ARHGAP29: variants seen among roughly 807,000 people sequenced by gnomAD.
ARHGAP29 encodes the protein Rho GTPase activating protein 29.
In ARHGAP29, 43 loss-of-function variants were observed where a neutral mutation model predicts 122.6. The observed-to-expected ratio is 0.35, with a 90% CI of 0.27 to 0.45. The LOEUF is 0.45. Among genes scored for constraint, ARHGAP29 ranks in the 20% least tolerant of loss-of-function variants. ARHGAP29 has a pLI of 1.00. For missense variants in ARHGAP29, 1,303 were observed against 1,477.2 expected (o/e 0.88, Z 1.93); for synonymous variants, 506 against 497.1 (o/e 1.02, Z -0.24).
chr1:94,231,719 A>C (rs1652930238), intron 1 of ARHGAP29, 76 bp from the exon 2 acceptor site: 2 of 1,087,878 alleles, frequency 1.8e-6, no homozygotes, highest in Non-Finnish European at 2.6e-6. Context: ...AGCCAGGGAA[A>C]TATTACACTA....
At chr1:94,203,344 G>A in intron 8 of ARHGAP29, 134 bp from the exon 9 acceptor site, 1 of 551,976 alleles carries the variant, frequency 1.8e-6, no homozygotes, top group Non-Finnish European at 3.1e-6. Flanking sequence ...TCAAAAACAT[G>A]ACTATGAGAA....
At chr1:94,225,883 C>T (rs1652584855) in intron 2 of ARHGAP29, among the ~76,000 whole-genome samples, 1 of 151,970 alleles carries the variant, frequency 6.6e-6, no homozygotes, top group African/African-American at 2.4e-5. Flanking sequence ...TTTCTCTACT[C>T]ACTCTGTAAT....
At chr1:94,301,086 C>T in the ARHGAP29 span, among the ~76,000 whole-genome samples, 2 of 152,186 alleles carry the variant, frequency 1.3e-5, no homozygotes, top group Non-Finnish European at 2.9e-5. Context: ...TAACTCTACC[C>T]AAAGTAGCAA....
At chr1:94,237,677 C>CG, upstream of ARHGAP29, 3 of 985,424 alleles carry the variant, frequency 3.0e-6, no homozygotes, top group Non-Finnish European at 3.6e-6. Flanking sequence ...CCCGCGCTCC[C>CG]GGGGGCGGGG....
In ARHGAP29 at chr1:94,177,503, A is replaced by G. The variant is rs143423096; in HGVS notation, c.2905+109T>C. ...CTAGCCAAGATTTGTTAACTAATAA[A>G]GCTTCATTCTCTGGCTTCCCTCATT... On this transcript the variant is annotated intron_variant, in intron 22 of 22. Transcript: ENST00000260526. 1.3e-5 allele frequency: 10 copies of G among 743,834 alleles called. No individual in the cohort carries two copies. The African/African-American group carries it at 1.4e-4, about 11-fold the overall frequency. The allele number at this position is 743,834 out of a possible 1,614,324, so 46.1% of individuals were successfully genotyped here. A position where few individuals can be genotyped will look rare whatever the true frequency, so the allele number is the denominator to read the frequency against.
the ARHGAP29 span, among the ~76,000 whole-genome samples, chr1:94,310,380 G>A: frequency 2.0e-5 from 3 of 152,240 alleles, no homozygotes; most frequent in Non-Finnish European, 4.4e-5. Context: ...ATGAAGCCAT[G>A]TAGTAGTGTC....
intron 1 of ARHGAP29, among the ~76,000 whole-genome samples, chr1:94,236,105 T>G (rs909929622): frequency 2.6e-5 from 4 of 152,200 alleles, no homozygotes; most frequent in Non-Finnish European, 5.9e-5. Flanking sequence ...TTAGATGAGC[T>G]CATCCTAAAA....
At chr1:94,302,878 C>T in the ARHGAP29 span, 5 of 217,686 alleles carry the variant, frequency 2.3e-5, no homozygotes, top group South Asian at 5.4e-5. Context: ...CCAACTTTAA[C>T]AGTGACACCC....
intron 1 of ARHGAP29, 27 bp from the exon 2 acceptor site, chr1:94,231,670 A>C (rs1382415010): frequency 2.0e-5 from 31 of 1,531,010 alleles, no homozygotes; most frequent in Non-Finnish European, 2.8e-5. Flanking sequence ...ACAAAACAAA[A>C]ACAAGCGAGG....
intron 11 of ARHGAP29, 179 bp from the exon 12 acceptor site, chr1:94,202,036 G>A: frequency 1.7e-6 from 1 of 576,936 alleles, no homozygotes; most frequent in Non-Finnish European, 2.9e-6. Context: ...TTAATGGACA[G>A]CCATGTACAA....
intron 12 of ARHGAP29, among the ~76,000 whole-genome samples, chr1:94,200,113 A>C (rs1650746344): frequency 6.6e-6 from 1 of 152,210 alleles, no homozygotes; most frequent in South Asian, 2.1e-4. Context: ...CATGACTCAT[A>C]AAAGAAAAAA....
At chr1:94,227,306 A>G (rs1324978709) in intron 2 of ARHGAP29, among the ~76,000 whole-genome samples, 1 of 151,720 alleles carries the variant, frequency 6.6e-6, no homozygotes, top group East Asian at 1.9e-4. Context: ...TACACTCTTA[A>G]ATTAGAAAGC....
chr1:94,281,187 A>G, the ARHGAP29 span, among the ~76,000 whole-genome samples: 3 of 152,224 alleles, frequency 2.0e-5, no homozygotes, highest in South Asian at 6.2e-4. Context: ...GCATCTTAGT[A>G]TCACACACTC....
chr1:94,253,655 C>T lies in ARHGAP29; in HGVS notation c.-33+21357G>A, dbSNP rs557795816. On this transcript the variant is annotated intron_variant and NMD_transcript_variant, in intron 1 of 25. Transcript: ENST00000552844. ...GAACACACACGCACGCACGCACGCA[C>T]GCACGCACGCACGCACATGCACACA... Among the ~76,000 whole-genome samples the T allele has an allele frequency of 3.3e-5, 5 of 151,966 alleles. No homozygotes were observed. The East Asian group carries it at 5.8e-4, about 18-fold the overall frequency.
chr1:94,254,290 A>C (rs1654236926), intron 1 of ARHGAP29, among the ~76,000 whole-genome samples: 1 of 152,166 alleles, frequency 6.6e-6, no homozygotes, highest in Non-Finnish European at 1.5e-5. Flanking sequence ...TTTGTCTGGG[A>C]GCTACATGGT....
intron 4 of ARHGAP29, 130 bp from the exon 5 acceptor site, chr1:94,209,034 T>C (rs1259225796): frequency 1.1e-6 from 1 of 903,706 alleles, no homozygotes; most frequent in African/African-American, 1.7e-5. Context: ...AGGAATCTGT[T>C]CACATAAACC....
the ARHGAP29 span, among the ~76,000 whole-genome samples, chr1:94,292,196 T>C: frequency 1.4e-3 from 208 of 152,334 alleles, 2 homozygotes; most frequent in Admixed American, 0.012. Context: ...CTCTATTTCA[T>C]TAATTTTATC....
chr1:94,187,512 T>C (rs1245054656), intron 15 of ARHGAP29, among the ~76,000 whole-genome samples: 1 of 152,170 alleles, frequency 6.6e-6, no homozygotes, highest in African/African-American at 2.4e-5. Context: ...TCTGCCTCCC[T>C]ATAAATCCCA....
intron 12 of ARHGAP29, among the ~76,000 whole-genome samples, chr1:94,199,080 G>A (rs764329455): frequency 2.6e-5 from 4 of 152,062 alleles, no homozygotes; most frequent in South Asian, 2.1e-4. Context: ...ATCACACACC[G>A]GGGCCTGTCG....
Sources: allele counts gnomAD v4.1 joint callset (sites outside exome capture counted in the v4.1 genomes callset), GRCh38; gene constraint gnomAD v4.1.1; transcripts MANE v1.5; gene names NCBI Gene and HGNC (gene_info 2026-07-23, HGNC 2026-07-21).